The following IFI44L variants were observed in gnomAD, a reference collection of about 807,000 sequenced individuals.
The protein encoded by IFI44L is interferon-induced protein 44-like.
A neutral mutation model predicts 39.3 loss-of-function variants in IFI44L; 40 were observed. That is an observed-to-expected ratio of 1.02 (90% CI 0.79 to 1.33). IFI44L has a LOEUF of 1.33. IFI44L is among the 40% of genes most tolerant of loss of function. The pLI is 0.00. For missense variants in IFI44L, 623 were observed against 549.0 expected (o/e 1.13, Z -1.35); for synonymous variants, 198 against 182.3 (o/e 1.09, Z -0.69).
chr1:78,634,534 A>C lies in IFI44L; in HGVS notation c.724-803A>C, dbSNP rs896316727. Among the ~76,000 whole-genome samples, 7 of 152,150 alleles carry C rather than the reference A, an allele frequency of 4.6e-5. No homozygotes were observed. The East Asian group carries it at 7.7e-4, about 17-fold the overall frequency. ...GGGATAAAGATTTTCCTGGATGAAC[A>C]AAAGCTGAGGGAGTTCATTACAATT... On this transcript the variant is annotated intron_variant, in intron 4 of 8. Transcript: ENST00000370751.
At chr1:78,629,308 A>G (rs1652624808) in intron 3 of IFI44L, among the ~76,000 whole-genome samples, 1 of 152,138 alleles carries the variant, frequency 6.6e-6, no homozygotes, top group African/African-American at 2.4e-5. Context: ...ATCCTCAGTA[A>G]ATGTCAAAAA....
chr1:78,630,121 A>G, intron 4 of IFI44L: 1 of 520,980 alleles, frequency 1.9e-6, no homozygotes. Context: ...AGAAGCAGTT[A>G]TATAAAGAAT....
rs1647006166 is a variant in IFI44L, at chr1:78,643,070, T to G, written c.*1261T>G. 6.6e-6 allele frequency: 1 copy of G among 152,066 alleles called. No individual in the cohort carries two copies. Among genetic ancestry groups the G allele is most frequent in the African/African-American group, 2.4e-5 (1 of 41,448 alleles). 9.4% of individuals were successfully genotyped at this position (152,066 alleles called of 1,614,324 possible). On this transcript the variant is annotated 3_prime_UTR_variant, in exon 9 of 9. Transcript: ENST00000370751. ...AAAATAATATGCTTTGGTTCAATAG[T>G]TATCCACATTCTGACAGTCTAATTT... is the stretch of plus-strand genomic sequence containing the variant.
At chr1:78,625,770 A>T (rs114786737) in intron 1 of IFI44L, 5 of 152,108 alleles carry the variant, frequency 3.3e-5, no homozygotes, top group Admixed American at 2.0e-4. Context: ...TTTCTAATAC[A>T]TATGTTTAAA....
At chr1:78,626,500 T>G (rs2100478595) in intron 1 of IFI44L, 1 of 152,186 alleles carries the variant, frequency 6.6e-6, no homozygotes, top group South Asian at 2.1e-4. Context: ...TAGAGATATT[T>G]TGAAGCTGGA....
At chr1:78,631,489 T>C (rs1425904654) in intron 4 of IFI44L, 1 of 152,186 alleles carries the variant, frequency 6.6e-6, no homozygotes, top group Non-Finnish European at 1.5e-5. Context: ...TGAGTGATAC[T>C]ACACCCTTGC....
At position 78,637,497 on chromosome 1, in the gene IFI44L, T is replaced by C. The variant is rs368906838; in HGVS notation, c.1048+294T>C. ...GACAGGGAAGATCGAAACCAGAAAA[T>C]TGATTATTGTTAACAATGTGTGTTT... On this transcript the variant is annotated intron_variant, in intron 6 of 8. Transcript: ENST00000370751. 4.6e-5 allele frequency among the ~76,000 whole-genome samples: 7 copies of C among 151,960 alleles called. No individual in the cohort carries two copies. In the East Asian group the frequency reaches 5.8e-4, roughly 13 times the overall value.
At chr1:78,625,071 CTTT>C (rs1040485780) in intron 1 of IFI44L, among the ~76,000 whole-genome samples, 1 of 141,854 alleles carries the variant, frequency 7.0e-6, no homozygotes. Context: ...TCTTTCCTTC[CTTT>C]TTTTTTTTTG....
At position 78,637,326 on chromosome 1, in the gene IFI44L, A is replaced by G. The variant is rs528429926; in HGVS notation, c.1048+123A>G. On this transcript the variant is annotated intron_variant, in intron 6 of 8. Coordinates refer to ENST00000370751, the MANE Select transcript of IFI44L (RefSeq NM_006820.4). ...ATCCTATTTCCCTGGAGTGGTGGCC[A>G]TCGGAGGGAGAGATCATTCACAGGC... is the stretch of plus-strand genomic sequence containing the variant. The G allele has an allele frequency of 2.8e-5, 19 of 676,342 alleles. No homozygotes were observed. The East Asian group carries it at 5.3e-4, about 19-fold the overall frequency. The allele number at this position is 676,342 out of a possible 1,614,324, so 41.9% of individuals were successfully genotyped here.
chr1:78,628,571 A>G, intron 2 of IFI44L, 178 bp downstream of exon 2: 1 of 577,486 alleles, frequency 1.7e-6, no homozygotes, highest in Non-Finnish European at 3.0e-6. Flanking sequence ...GTTTTTATCC[A>G]GAACGTATAG....
chr1:78,628,224 AG>A lies in IFI44L; in HGVS notation c.310del (p.Ala104HisfsTer29). 1 of 1,612,814 alleles carries A rather than the reference AG, an allele frequency of 6.2e-7. No individual in the cohort carries two copies. Among genetic ancestry groups the A allele is most frequent in the South Asian group, 1.1e-5 (1 of 90,886 alleles). The stretch of plus-strand genomic sequence containing the variant: ...AAATAGAAACTTTACTCTTAAATAC[AG>A]CACCAAAAATTATTGATGAGCAACT... ...TEIETLLLNT[A>X]PKIIDEQLVC... On this transcript the variant is annotated frameshift_variant, in exon 2 of 9. Transcript: ENST00000370751. LOFTEE classifies it high-confidence loss of function.
At chr1:78,637,266 G>T in intron 6 of IFI44L, 63 bp downstream of exon 6, 1 of 1,259,666 alleles carries the variant, frequency 7.9e-7, no homozygotes, top group East Asian at 2.6e-5. Context: ...GTAGGAAGTT[G>T]CAAAGAGAGT....
intron 1 of IFI44L, chr1:78,627,326 C>G (rs1557683158): frequency 6.6e-6 from 1 of 151,892 alleles, no homozygotes; most frequent in Non-Finnish European, 1.5e-5. Context: ...TGTAAGACTT[C>G]TATAGCTGTT....
At chr1:78,624,974 G>A (rs943693987) in intron 1 of IFI44L, among the ~76,000 whole-genome samples, 2 of 151,864 alleles carry the variant, frequency 1.3e-5, no homozygotes, top group East Asian at 1.9e-4. Context: ...TTCATCCTAT[G>A]TGTGTTCTTA....
chr1:78,628,025 T>C lies in IFI44L; in HGVS notation c.110T>C (p.Ile37Thr), dbSNP rs1196991602. The change falls in exon 2 of 9, where the codon ATT (isoleucine) becomes ACT (threonine). Residue 37 changes from isoleucine to threonine, a missense_variant. By Grantham distance (89) the Ile-to-Thr change is moderately conservative (BLOSUM62 -1). Coordinates refer to ENST00000370751, the MANE Select transcript of IFI44L (RefSeq NM_006820.4). ...AAGTCTAGTGTTCATGGAGGTAGCA[T>C]TGAAGATATGGTTGAAAGATGCAGC... ...LYKSSVHGGSIEDMVERCSRQ... is the reference protein window; with the variant it reads ...LYKSSVHGGSTEDMVERCSRQ... 1.1e-5 allele frequency: 18 copies of C among 1,613,146 alleles called. No homozygotes were observed. Among genetic ancestry groups the C allele is most frequent in the East Asian group, 2.2e-5 (1 of 44,800 alleles).
At chr1:78,630,219 T>C (rs1298231946) in intron 4 of IFI44L, 1 of 234,516 alleles carries the variant, frequency 4.3e-6, no homozygotes, top group Non-Finnish European at 8.3e-6. Context: ...ATTTTACTCA[T>C]GTACTACATG....
rs1161787032 is a variant in IFI44L at position 78,641,021 on chromosome 1, G to A, written c.1049G>A (p.Gly350Asp). The stretch of plus-strand genomic sequence containing the variant: ...TAACTGATTTATCTATTTGATATAG[G>A]TATAGCATATGTGGCCTTGCTTACT... ...KQVHKEVLNC[G>D]IAYVALLTKV... is the part of the protein sequence containing the mutation. Residue 350 changes from glycine to aspartate, a missense_variant and splice_region_variant, in exon 7 of 9, where the codon GGT becomes GAT. By Grantham distance (94) the Gly-to-Asp change is moderately conservative (BLOSUM62 -1). Transcript: ENST00000370751. 2 of 1,598,342 alleles carry A rather than the reference G, an allele frequency of 1.3e-6. No individual in the cohort carries two copies. The highest frequency in any genetic ancestry group is 4.5e-5 in the East Asian group (2 of 44,740).
rs2100408650 is a variant in IFI44L at position 78,644,049 on chromosome 1, A to C, written c.*2240A>C. ...CAAATGTAGAAGCAACAGGTCCAAA[A>C]AGTAGGGCATGATTTTCTCCATGTA... On this transcript the variant is annotated 3_prime_UTR_variant, in exon 9 of 9. Coordinates refer to ENST00000370751, the MANE Select transcript of IFI44L (RefSeq NM_006820.4). 1 of 152,286 alleles carries C rather than the reference A, an allele frequency of 6.6e-6. No individual in the cohort carries two copies. Among genetic ancestry groups the C allele is most frequent in the South Asian group, 2.1e-4 (1 of 4,826 alleles). 9.4% of individuals were successfully genotyped at this position (152,286 alleles called of 1,614,324 possible). A position where few individuals can be genotyped will look rare whatever the true frequency, so the allele number is the denominator to read the frequency against.
chr1:78,644,022 T>C lies in IFI44L; in HGVS notation c.*2213T>C, dbSNP rs969588986. ...CATTAGGATGGTTTCACAGTTACCA[T>C]ACAAATGTAGAAGCAACAGGTCCAA... On this transcript the variant is annotated 3_prime_UTR_variant, in exon 9 of 9. Coordinates refer to ENST00000370751, the MANE Select transcript of IFI44L (RefSeq NM_006820.4). 17 of 152,306 alleles carry C rather than the reference T, an allele frequency of 1.1e-4. No individual in the cohort carries two copies. Among genetic ancestry groups the C allele is most frequent in the African/African-American group, 4.1e-4 (17 of 41,584 alleles). The allele number at this position is 152,306 out of a possible 1,614,324, so 9.4% of individuals were successfully genotyped here.
Sources: gnomAD v4.1 joint callset for allele counts (sites outside exome capture counted in the v4.1 genomes callset) on GRCh38, gnomAD v4.1.1 for gene constraint, MANE v1.5 for transcripts, NCBI Gene and HGNC (gene_info 2026-07-23, HGNC 2026-07-21) for gene names.